HGS: variants seen among roughly 807,000 people sequenced by gnomAD.
The protein encoded by HGS is human growth factor-regulated tyrosine kinase substrate.
HGS carries 63 observed loss-of-function variants against 109.7 expected under a neutral mutation model. The observed-to-expected ratio is 0.57, with a 90% CI of 0.47 to 0.71. HGS has a LOEUF of 0.71. Among genes scored for constraint, HGS ranks in the 30% least tolerant of loss-of-function variants. The pLI is 0.00. For missense variants in HGS, 995 were observed against 1,068.3 expected (o/e 0.93, Z 0.96); for synonymous variants, 546 against 437.3 (o/e 1.25, Z -3.10).
rs778049575 is a variant in HGS, at chr17:81,684,045, C to T, written c.-22C>T. ...CGTAGCAGGGGAGCGCCCGCGGCGT[C>T]GGGTTTGGGCTGGAGGTCGCCATGG... On this transcript the variant is annotated 5_prime_UTR_variant, in exon 1 of 22. Transcript: ENST00000329138. 1.4e-5 allele frequency: 22 copies of T among 1,588,084 alleles called. No individual in the cohort carries two copies. The Admixed American group carries it at 2.5e-4, about 18-fold the overall frequency.
chr17:81,691,284 G>C lies in HGS; in HGVS notation c.538-163G>C. ...GTTGAGACTCCCGGGAGCATGTCCA[G>C]GTTCCCCGGCCTTAGGGTCTTCCCA... On this transcript the variant is annotated intron_variant, in intron 7 of 21. Coordinates refer to ENST00000329138, the MANE Select transcript of HGS (RefSeq NM_004712.5). This position sits in a 1 kb window ranked among gnomAD's most constrained non-coding sequence, Gnocchi z 5.3. The C allele has an allele frequency of 1.2e-6, 1 of 804,016 alleles. No individual in the cohort carries two copies. The highest frequency in any genetic ancestry group is 2.0e-6 in the Non-Finnish European group (1 of 500,520). 49.8% of individuals were successfully genotyped at this position (804,016 alleles called of 1,614,324 possible). A position where few individuals can be genotyped will look rare whatever the true frequency, so the allele number is the denominator to read the frequency against.
intron 6 of HGS, 41 bp from the exon 7 acceptor site, chr17:81,690,633 G>A: frequency 6.3e-7 from 1 of 1,584,856 alleles, no homozygotes; most frequent in African/African-American, 1.3e-5. Context: ...TGGGGCTGGT[G>A]GGGCGGGAAG....
chr17:81,694,205 G>C (rs1185537793), intron 11 of HGS, among the ~76,000 whole-genome samples: 1 of 152,202 alleles, frequency 6.6e-6, no homozygotes, highest in African/African-American at 2.4e-5. Flanking sequence ...CTGTGGGGGA[G>C]GCGCCTTGCT....
chr17:81,693,847 C>T (rs375503289), intron 10 of HGS, 23 bp from the exon 11 acceptor site: 47 of 1,586,686 alleles, frequency 3.0e-5, no homozygotes, highest in South Asian at 1.3e-4. Context: ...ACCCAAGTGA[C>T]GCCCCTTCTG....
chr17:81,686,091 C>G (rs929789599), intron 2 of HGS, among the ~76,000 whole-genome samples: 2 of 152,022 alleles, frequency 1.3e-5, no homozygotes, highest in African/African-American at 4.8e-5. Context: ...CCATCACGCC[C>G]GGCTGATTTT....
intron 18 of HGS, among the ~76,000 whole-genome samples, chr17:81,700,063 T>C (rs570431096): frequency 1.7e-5 from 2 of 118,274 alleles, no homozygotes; most frequent in African/African-American, 6.6e-5. Flanking sequence ...TGACAGACTA[T>C]CTCAAAAAAA....
At chr17:81,686,836 A>C in intron 3 of HGS, among the ~76,000 whole-genome samples, 167 bp from the exon 4 acceptor site, 1 of 146,186 alleles carries the variant, frequency 6.8e-6, no homozygotes. Context: ...CCCTCCGGCC[A>C]CTGACGGGCC....
rs781539367 is a variant in HGS at position 81,696,010 on chromosome 17, G to A, written c.1393+11G>A. On this transcript the variant is annotated intron_variant, in intron 15 of 21. Transcript: ENST00000329138. ...TGGACGAGCGCAGGCGTAGGTGCCC[G>A]CGCCACGGGGCCTCGGCTCAGGGGC... is the stretch of plus-strand genomic sequence containing the variant. The A allele has an allele frequency of 7.8e-6, 12 of 1,536,522 alleles. No homozygotes were observed. The highest frequency in any genetic ancestry group is 1.9e-4 in the Middle Eastern group (1 of 5,400).
At chr17:81,693,798 CT>C in intron 10 of HGS, 46 bp downstream of exon 10, 2 of 1,547,918 alleles carry the variant, frequency 1.3e-6, no homozygotes, top group Non-Finnish European at 1.7e-6. Context: ...CCCAGCTCCC[CT>C]GGATGTGCTG....
chr17:81,690,082 G>C, intron 5 of HGS, 100 bp from the exon 6 acceptor site: 1 of 1,308,528 alleles, frequency 7.6e-7, no homozygotes, highest in Non-Finnish European at 1.1e-6. Flanking sequence ...TTGGGTGCAC[G>C]GTCACTGCTG....
rs1319114300 is a variant in HGS at position 81,700,545 on chromosome 17, C to T, written c.1961C>T (p.Pro654Leu). The T allele has an allele frequency of 1.9e-6, 3 of 1,610,748 alleles. No homozygotes were observed. The highest frequency in any genetic ancestry group is 3.3e-5 in the Admixed American group (2 of 59,710). Residue 654 changes from proline to leucine, a missense_variant, in exon 19 of 22, where the codon CCC becomes CTC. Physicochemically the swap from Pro to Leu is moderately conservative, Grantham distance 98. Coordinates refer to ENST00000329138, the MANE Select transcript of HGS (RefSeq NM_004712.5). ...GCGGCCCCCCAGGCCCAGGCCGGAC[C>T]CACCGCCAGCCCCGCTTACTCATCC... ...AQAAPQAQAGPTASPAYSSYQ... is the reference protein window; with the variant it reads ...AQAAPQAQAGLTASPAYSSYQ...
chr17:81,691,268 C>T lies in HGS; in HGVS notation c.538-179C>T. The T allele has an allele frequency of 2.8e-6, 2 of 702,724 alleles. No individual in the cohort carries two copies. The highest frequency in any genetic ancestry group is 2.6e-5 in the East Asian group (1 of 38,538). The allele number at this position is 702,724 out of a possible 1,614,324, so 43.5% of individuals were successfully genotyped here. ...CAAAACGGTGGCTGGCGTTGAGACTCCCGGGAGCATGTCCAGGTTCCCCGG... is the reference window on the plus strand; with the variant it reads ...CAAAACGGTGGCTGGCGTTGAGACTTCCGGGAGCATGTCCAGGTTCCCCGG... On this transcript the variant is annotated intron_variant, in intron 7 of 21. Coordinates refer to ENST00000329138, the MANE Select transcript of HGS (RefSeq NM_004712.5). The surrounding 1 kb of genome is among the most constrained non-coding windows in gnomAD (Gnocchi z 5.3).
chr17:81,697,287 A>G, intron 18 of HGS: 1 of 328,168 alleles, frequency 3.0e-6, no homozygotes, highest in Non-Finnish European at 5.7e-6. Context: ...TAGCAGGCTC[A>G]GCCCTCATGG....
chr17:81,690,914 G>A (rs1213328082), intron 7 of HGS, 172 bp downstream of exon 7: 14 of 574,710 alleles, frequency 2.4e-5, no homozygotes, highest in South Asian at 4.4e-5. Context: ...GAGGGCCCAC[G>A]TAAGGGCCTG....
chr17:81,690,276 T>C (rs746404827), intron 6 of HGS, 42 bp downstream of exon 6: 1 of 1,603,904 alleles, frequency 6.2e-7, no homozygotes, highest in Non-Finnish European at 8.5e-7. Context: ...GTCGGGCTGC[T>C]CAGGAAGCGT....
rs572707454 is a variant in HGS at position 81,699,720 on chromosome 17, C to T, written c.1883-747C>T. Among the ~76,000 whole-genome samples, 22 of 152,254 alleles carry T rather than the reference C, an allele frequency of 1.4e-4. 1 individual carries two copies. The highest frequency in any genetic ancestry group is 3.9e-4 in the East Asian group (2 of 5,160). ...ATTACAAGCATGAGCCACCACGCCC[C>T]GCCTATGTTCCTTTTTTTTAGAAAC... On this transcript the variant is annotated intron_variant, in intron 18 of 21. Transcript: ENST00000329138.
chr17:81,695,923 GCT>G lies in HGS; in HGVS notation c.1321_1322del (p.Ser441ThrfsTer27). ...GRSITNDSAV[L>X]SLFQSINGMH... ...GCAGCATCACCAATGACTCGGCCGTGCTCTCACTCTTCCAGTCCATCAACGGC... is the reference window on the plus strand; with the variant it reads ...GCAGCATCACCAATGACTCGGCCGTGCTCACTCTTCCAGTCCATCAACGGC... On this transcript the variant is annotated frameshift_variant, in exon 15 of 22. Transcript: ENST00000329138. LOFTEE classifies it high-confidence loss of function. 1 of 1,603,950 alleles carries G rather than the reference GCT, an allele frequency of 6.2e-7. No individual in the cohort carries two copies. The highest frequency in any genetic ancestry group is 8.5e-7 in the Non-Finnish European group (1 of 1,173,828).
intron 18 of HGS, among the ~76,000 whole-genome samples, chr17:81,698,939 C>A (rs550336123): frequency 2.2e-4 from 33 of 152,122 alleles, no homozygotes; most frequent in African/African-American, 6.7e-4. Flanking sequence ...TGATGGTGCA[C>A]ACCTGTAATC....
Position 81,690,627 on chromosome 17 carries a change from G to C in HGS, c.469-47G>C, listed in dbSNP as rs903389187. 5 of 1,573,966 alleles carry C rather than the reference G, an allele frequency of 3.2e-6. No homozygotes were observed. In the South Asian group the frequency reaches 5.7e-5, roughly 18 times the overall value. Reference sequence around the variant, plus strand: ...GCAGGGGAGGCTCTGTGCCTCTGGGGCTGGTGGGGCGGGAAGCGTGTGGTC... The same window carrying C: ...GCAGGGGAGGCTCTGTGCCTCTGGGCCTGGTGGGGCGGGAAGCGTGTGGTC... On this transcript the variant is annotated intron_variant, in intron 6 of 21. Transcript: ENST00000329138.
Sources: gnomAD v4.1 joint callset for allele counts (sites outside exome capture counted in the v4.1 genomes callset) on GRCh38, gnomAD v4.1.1 for gene constraint, Gnocchi (gnomAD v3.1) non-coding constraint, MANE v1.5 for transcripts, NCBI Gene and HGNC (gene_info 2026-07-23, HGNC 2026-07-21) for gene names.